Variants in CTNNA3 observed in about 807,000 individuals in gnomAD.
The protein encoded by CTNNA3 is catenin alpha 3, also known as catenin alpha-3.
CTNNA3 carries 76 observed loss-of-function variants against 95.7 expected under a neutral mutation model. That is an observed-to-expected ratio of 0.79 (90% CI 0.66 to 0.96). The LOEUF is 0.96. CTNNA3 is among the 40% of genes least tolerant of loss of function. CTNNA3 has a pLI of 0.00. For synonymous variants in CTNNA3, 431 were observed against 374.4 expected, an observed-to-expected ratio of 1.15 and a Z score of -1.74; for missense variants, 1,191 against 1,089.8, an observed-to-expected ratio of 1.09 and a Z score of -1.31.
chr10:66,515,209 C>A (rs7914675), intron 11 of CTNNA3, among the ~76,000 whole-genome samples: 4,826 of 151,990 alleles, frequency 0.032, 258 homozygotes, highest in African/African-American at 0.11. Flanking sequence ...AGAATTCACA[C>A]GTTTTCACAA....
chr10:67,191,766 AACCACAAAAG>A (rs1257588534), intron 6 of CTNNA3, among the ~76,000 whole-genome samples: 1 of 152,018 alleles, frequency 6.6e-6, no homozygotes, highest in African/African-American at 2.4e-5. Context: ...ATTCATATAA[AACCACAAAAG>A]ACCACAAATA....
Position 66,146,308 on chromosome 10 carries a change from A to G in CTNNA3, c.1885-43059T>C, listed in dbSNP as rs144323661. On this transcript the variant is annotated intron_variant, in intron 13 of 17. Transcript: ENST00000433211. ...TCTACTGAATAAAATACAACAGTGTAAATCTAATATAATAAAAAGAACTAG... is the reference window on the plus strand; with the variant it reads ...TCTACTGAATAAAATACAACAGTGTGAATCTAATATAATAAAAAGAACTAG... Among the ~76,000 whole-genome samples the G allele has an allele frequency of 3.3e-5, 5 of 152,318 alleles. No homozygotes were observed. The East Asian group carries it at 9.6e-4, about 29-fold the overall frequency.
At chr10:66,773,514 G>C (rs1322387991) in intron 8 of CTNNA3, among the ~76,000 whole-genome samples, 1 of 152,176 alleles carries the variant, frequency 6.6e-6, no homozygotes, top group African/African-American at 2.4e-5. Flanking sequence ...AAGAAGCACT[G>C]AGGTTCCAAA....
chr10:66,429,079 C>A (rs1198240184), intron 11 of CTNNA3, among the ~76,000 whole-genome samples: 1 of 151,856 alleles, frequency 6.6e-6, no homozygotes, highest in Non-Finnish European at 1.5e-5. Context: ...GATATCACCA[C>A]CGATCCCACA....
intron 6 of CTNNA3, among the ~76,000 whole-genome samples, chr10:67,194,703 A>G (rs1863267818): frequency 6.6e-6 from 1 of 151,844 alleles, no homozygotes; most frequent in Non-Finnish European, 1.5e-5. Context: ...ACTCTAATAT[A>G]AACTAGGGAT....
At chr10:67,668,074 A>G (rs1840362857) in intron 1 of CTNNA3, among the ~76,000 whole-genome samples, 1 of 152,120 alleles carries the variant, frequency 6.6e-6, no homozygotes. Context: ...TGAGTTTGGT[A>G]CCTGACACAG....
At chr10:67,160,570 G>T (rs1391117488) in intron 7 of CTNNA3, among the ~76,000 whole-genome samples, 8 of 151,452 alleles carry the variant, frequency 5.3e-5, no homozygotes, top group Admixed American at 5.3e-4. Flanking sequence ...CCCTAGAGCT[G>T]GGACCACAGG....
chr10:67,145,898 T>A (rs1481531712), intron 7 of CTNNA3, among the ~76,000 whole-genome samples: 6 of 152,244 alleles, frequency 3.9e-5, no homozygotes, highest in African/African-American at 1.4e-4. Context: ...TATTACCATA[T>A]TGAGGATTTA....
chr10:67,459,698 T>C (rs1847306498), intron 5 of CTNNA3, among the ~76,000 whole-genome samples: 1 of 152,200 alleles, frequency 6.6e-6, no homozygotes, highest in African/African-American at 2.4e-5. Context: ...TCATCACTTT[T>C]TAAAATCACC....
intron 5 of CTNNA3, among the ~76,000 whole-genome samples, chr10:67,487,461 A>G (rs922094056): frequency 2.6e-5 from 4 of 152,298 alleles, no homozygotes; most frequent in Admixed American, 2.6e-4. Context: ...ACTCAAATCA[A>G]ATAGTCACTG....
At position 67,566,058 on chromosome 10, in the gene CTNNA3, T is replaced by TATATATATATATATAC. The variant is rs1554854505; in HGVS notation, c.293-26405_293-26390dup. 3.3e-4 allele frequency among the ~76,000 whole-genome samples: 28 copies of TATATATATATATATAC among 85,588 alleles called. 2 individuals carry two copies. In the East Asian group the frequency reaches 0.021, roughly 63 times the overall value. The allele number at this position is 85,588 out of a possible 152,430, so 56.1% of individuals were successfully genotyped here. On this transcript the variant is annotated intron_variant, in intron 3 of 17. Transcript: ENST00000433211. ...ATGTGTGTGTGTATATATATATATA[T>TATATATATATATATAC]ATATATATATATATACAAAACCTAG...
rs563208671 is a variant in CTNNA3 at position 66,127,481 on chromosome 10, G to C, written c.1885-24232C>G. On this transcript the variant is annotated intron_variant, in intron 13 of 17. Coordinates refer to ENST00000433211, the MANE Select transcript of CTNNA3 (RefSeq NM_013266.4). ...GGACAAACTCACAAATTCCAATAAA[G>C]TGACATCCTACAAAATCTCTTATCT... 5.9e-5 allele frequency among the ~76,000 whole-genome samples: 9 copies of C among 151,998 alleles called. 1 individual carries two copies. The South Asian group carries it at 1.9e-3, about 32-fold the overall frequency.
At chr10:66,196,545 T>C (rs2086970567) in intron 13 of CTNNA3, among the ~76,000 whole-genome samples, 1 of 152,144 alleles carries the variant, frequency 6.6e-6, no homozygotes, top group Non-Finnish European at 1.5e-5. Context: ...GATGTCTTCT[T>C]CCCTCCCTTA....
chr10:67,423,549 C>A (rs899055349), intron 5 of CTNNA3, among the ~76,000 whole-genome samples: 3 of 152,068 alleles, frequency 2.0e-5, no homozygotes, highest in East Asian at 3.9e-4. Context: ...TTATCTAATT[C>A]AAAAAGATAG....
chr10:66,713,755 C>T (rs1225572417), intron 9 of CTNNA3, among the ~76,000 whole-genome samples: 2 of 152,086 alleles, frequency 1.3e-5, no homozygotes, highest in Admixed American at 1.3e-4. Context: ...ACTCAAGTCA[C>T]TCCTCCCAAT....
At chr10:67,082,023 G>A (rs575613376) in intron 7 of CTNNA3, among the ~76,000 whole-genome samples, 1 of 152,116 alleles carries the variant, frequency 6.6e-6, no homozygotes, top group Non-Finnish European at 1.5e-5. Flanking sequence ...TCACAAAATA[G>A]GAGTACCTAG....
chr10:66,797,080 T>G (rs1050008482), intron 7 of CTNNA3, among the ~76,000 whole-genome samples: 1 of 115,388 alleles, frequency 8.7e-6, no homozygotes, highest in African/African-American at 4.5e-5. Flanking sequence ...TGTAAATTTG[T>G]TTTTTTTTTC....
chr10:67,676,116 A>T (rs894947317), intron 1 of CTNNA3, among the ~76,000 whole-genome samples: 7 of 152,128 alleles, frequency 4.6e-5, no homozygotes, highest in Middle Eastern at 3.2e-3. Flanking sequence ...ATGGCTACTT[A>T]TTTCAGGTTA....
At chr10:67,126,260 G>A (rs544498478) in intron 7 of CTNNA3, among the ~76,000 whole-genome samples, 2 of 152,216 alleles carry the variant, frequency 1.3e-5, no homozygotes, top group African/African-American at 2.4e-5. Context: ...CAGGCGTGGT[G>A]GCTCACGCCT....
Sources: gnomAD v4.1 joint callset for allele counts (sites outside exome capture counted in the v4.1 genomes callset) on GRCh38, gnomAD v4.1.1 for gene constraint, MANE v1.5 for transcripts, NCBI Gene and HGNC (gene_info 2026-07-23, HGNC 2026-07-21) for gene names.